Variants in CHAT observed in about 807,000 individuals in gnomAD.
The protein encoded by CHAT is choline O-acetyltransferase, also known as acetyl CoA:choline O-acetyltransferase.
A neutral mutation model predicts 76.9 loss-of-function variants in CHAT; 61 were observed. The observed-to-expected ratio is 0.79, with a 90% CI of 0.65 to 0.98. CHAT has a LOEUF of 0.98. Among genes scored for constraint, CHAT ranks in the 50% least tolerant of loss-of-function variants. The probability of loss-of-function intolerance (pLI) is 0.00; values close to 1 mark genes in which losing one functional copy is unlikely to be tolerated. For missense variants in CHAT, 946 were observed against 986.9 expected (o/e 0.96, Z 0.56); for synonymous variants, 407 against 397.4 (o/e 1.02, Z -0.29).
chr10:49,634,701 GT>G (rs931019194), intron 7 of CHAT, among the ~76,000 whole-genome samples: 18 of 151,846 alleles, frequency 1.2e-4, no homozygotes, highest in African/African-American at 2.9e-4. Flanking sequence ...CTAGGAGGTG[GT>G]TTTTTTTGTT....
chr10:49,648,735 A>G (rs1280285016), intron 9 of CHAT, 128 bp downstream of exon 9: 7 of 650,714 alleles, frequency 1.1e-5, no homozygotes, highest in Admixed American at 4.4e-5. Context: ...ATACACACAC[A>G]CACACACACA....
At chr10:49,616,407 TG>T in intron 1 of CHAT, 94 bp from the exon 2 acceptor site, 1 of 974,132 alleles carries the variant, frequency 1.0e-6, no homozygotes, top group Non-Finnish European at 1.6e-6. Context: ...GGCCTCCTCA[TG>T]GGGCTGGGGT....
At chr10:49,624,106 C>T (rs1021948139) in intron 5 of CHAT, among the ~76,000 whole-genome samples, 1 of 152,216 alleles carries the variant, frequency 6.6e-6, no homozygotes, top group East Asian at 1.9e-4. Flanking sequence ...CAGGACCTGG[C>T]CTGCCCACCT....
chr10:49,620,385 T>C (rs1183817807), intron 3 of CHAT, 110 bp from the exon 4 acceptor site: 3 of 813,266 alleles, frequency 3.7e-6, no homozygotes, highest in Non-Finnish European at 6.4e-6. Flanking sequence ...AGCATATATT[T>C]GTGGAATGAA....
At chr10:49,642,252 A>G (rs1193528278) in intron 7 of CHAT, among the ~76,000 whole-genome samples, 1 of 152,216 alleles carries the variant, frequency 6.6e-6, no homozygotes, top group Non-Finnish European at 1.5e-5. Flanking sequence ...TTTGGGCCAC[A>G]GTCATGGTGG....
chr10:49,611,681 C>T (rs774787830), upstream of CHAT: 1 of 1,610,914 alleles, frequency 6.2e-7, no homozygotes, highest in African/African-American at 1.3e-5. Flanking sequence ...ACCATTGCCA[C>T]GTGGATGAAG....
Position 49,664,968 on chromosome 10 carries a change from T to C in CHAT, c.2169T>C (p.Ser723=), listed in dbSNP as rs767664583. The C allele has an allele frequency of 6.8e-6, 11 of 1,614,120 alleles. No individual in the cohort carries two copies. The highest frequency in any genetic ancestry group is 3.3e-5 in the Admixed American group (2 of 60,014). Residue 723 remains serine (S), a synonymous_variant, in exon 15 of 15, where the codon AGT becomes AGC. Transcript: ENST00000337653. ...ESLIDMRDLC[S]LLPPTESKPL... ...TCATTGACATGAGAGACCTCTGCAG[T>C]CTGCTGCCGCCTACTGAGAGCAAGC... is the stretch of plus-strand genomic sequence containing the variant.
chr10:49,651,348 G>T (rs1479247120), intron 10 of CHAT, among the ~76,000 whole-genome samples: 1 of 151,866 alleles, frequency 6.6e-6, no homozygotes, highest in East Asian at 1.9e-4. Context: ...GAAGGTGTGC[G>T]TGTGGGCTCG....
At chr10:49,609,477 G>A (rs1443532426), upstream of CHAT, among the ~76,000 whole-genome samples, 1 of 151,964 alleles carries the variant, frequency 6.6e-6, no homozygotes, top group Non-Finnish European at 1.5e-5. Flanking sequence ...GCGGCGGGGA[G>A]AGAAGAGGCG....
In CHAT at chr10:49,623,814, T is replaced by A. The variant is rs1381755043; in HGVS notation, c.753-1659T>A. Among the ~76,000 whole-genome samples, 3 of 152,200 alleles carry A rather than the reference T, an allele frequency of 2.0e-5. No homozygotes were observed. The East Asian group carries it at 5.8e-4, about 29-fold the overall frequency. On this transcript the variant is annotated intron_variant, in intron 5 of 14. Transcript: ENST00000337653. ...CTGCTTTCTCCCTTGCACCTTCATG[T>A]AACCCATGGTGCTCAGATGTGGTCA... is the stretch of plus-strand genomic sequence containing the variant.
upstream of CHAT, chr10:49,610,724 A>G: frequency 6.8e-7 from 1 of 1,480,410 alleles, no homozygotes; most frequent in Non-Finnish European, 8.9e-7. Flanking sequence ...TCCTCGGAAG[A>G]GCATCGGGGT....
intron 13 of CHAT, among the ~76,000 whole-genome samples, chr10:49,658,569 T>C (rs1177687266): frequency 2.6e-4 from 39 of 150,700 alleles, no homozygotes; most frequent in Admixed American, 2.6e-3. Context: ...ATTATCCAAG[T>C]GTGGTGGCAC....
upstream of CHAT, chr10:49,611,944 C>T: frequency 1.9e-6 from 3 of 1,612,586 alleles, no homozygotes; most frequent in Non-Finnish European, 2.5e-6. Flanking sequence ...CACAGCACTG[C>T]TGCCCACGCT....
intron 13 of CHAT, 48 bp from the exon 14 acceptor site, chr10:49,662,597 G>A: frequency 6.2e-7 from 1 of 1,611,550 alleles, no homozygotes; most frequent in Non-Finnish European, 8.5e-7. Context: ...ACAAGGAGGT[G>A]CAGGAGGCCC....
intron 7 of CHAT, among the ~76,000 whole-genome samples, chr10:49,633,050 G>C (rs534282701): frequency 4.2e-4 from 64 of 152,342 alleles, no homozygotes; most frequent in African/African-American, 1.4e-3. Context: ...CAGCAATTCA[G>C]ACAGATTCCT....
chr10:49,657,290 G>A (rs1027375787), intron 13 of CHAT, among the ~76,000 whole-genome samples: 4 of 152,136 alleles, frequency 2.6e-5, no homozygotes, highest in African/African-American at 7.2e-5. Flanking sequence ...TGGAAAGGCC[G>A]AGGGCTGAAC....
At chr10:49,659,680 G>C (rs1840133372) in intron 13 of CHAT, among the ~76,000 whole-genome samples, 1 of 152,082 alleles carries the variant, frequency 6.6e-6, no homozygotes, top group African/African-American at 2.4e-5. Flanking sequence ...TGGCCAACAT[G>C]GCAAAACCCC....
At chr10:49,646,388 C>A (rs1056368040) in intron 7 of CHAT, 117 bp from the exon 8 acceptor site, 8 of 1,340,190 alleles carry the variant, frequency 6.0e-6, no homozygotes, top group African/African-American at 1.4e-5. Flanking sequence ...TGGCTCAAGA[C>A]CTGGGTCTTG....
chr10:49,620,696 C>A (rs371456674), intron 4 of CHAT, 83 bp downstream of exon 4: 1 of 1,116,240 alleles, frequency 9.0e-7, no homozygotes, highest in Non-Finnish European at 1.4e-6. Context: ...AAAGAAAGGC[C>A]AAAGCTGGAG....
Sources: gnomAD v4.1 joint callset for allele counts (sites outside exome capture counted in the v4.1 genomes callset) on GRCh38, gnomAD v4.1.1 for gene constraint, MANE v1.5 for transcripts, NCBI Gene and HGNC (gene_info 2026-07-23, HGNC 2026-07-21) for gene names.